The following ARL15 variants were observed in gnomAD, a reference collection of about 807,000 sequenced individuals.
ARL15 encodes ADP-ribosylation factor-like protein 15.
In ARL15, 19 loss-of-function variants were observed where a neutral mutation model predicts 25.2. The ratio of observed to expected loss-of-function variants is 0.75; its 90% CI spans 0.53 to 1.10. The LOEUF (loss-of-function observed/expected upper bound fraction) is 1.10. ARL15 is among the 50% of genes least tolerant of loss of function. The pLI, the probability that ARL15 is intolerant of heterozygous loss-of-function variation, is 0.00. For missense variants in ARL15, 220 were observed against 246.0 expected (o/e 0.89, Z 0.71); for synonymous variants, 94 against 86.8 (o/e 1.08, Z -0.46).
chr5:54,129,615 T>A (rs1185530422), intron 3 of ARL15, among the ~76,000 whole-genome samples: 1 of 152,214 alleles, frequency 6.6e-6, no homozygotes, highest in African/African-American at 2.4e-5. Flanking sequence ...ACTTTCCCAA[T>A]AGTACTGTAG....
chr5:54,267,269 T>C (rs2112635577), intron 1 of ARL15, among the ~76,000 whole-genome samples: 1 of 152,284 alleles, frequency 6.6e-6, no homozygotes, highest in East Asian at 1.9e-4. Context: ...TTTTTTGTAT[T>C]TTTAGTAGAG....
chr5:54,095,201 G>T (rs995758954), intron 4 of ARL15, among the ~76,000 whole-genome samples: 9 of 152,048 alleles, frequency 5.9e-5, no homozygotes, highest in Admixed American at 1.3e-4. Flanking sequence ...CAGAGGGCAT[G>T]AATTTAATAA....
chr5:54,253,220 A>G (rs1392201687), intron 1 of ARL15, among the ~76,000 whole-genome samples: 2 of 152,294 alleles, frequency 1.3e-5, no homozygotes, highest in South Asian at 4.1e-4. Flanking sequence ...AGTGGCTTCA[A>G]GAGGTAATTA....
intron 4 of ARL15, among the ~76,000 whole-genome samples, chr5:53,925,993 CTTTCTTTT>C (rs1241140500): frequency 1.7e-3 from 150 of 90,756 alleles, no homozygotes; most frequent in African/African-American, 5.9e-3. Context: ...AGTCTTTTTT[CTTTCTTTT>C]TTTTTTTTTT....
At chr5:54,021,651 T>G (rs544539600) in intron 4 of ARL15, among the ~76,000 whole-genome samples, 1 of 152,274 alleles carries the variant, frequency 6.6e-6, no homozygotes, top group South Asian at 2.1e-4. Context: ...ATCGAAGATT[T>G]CCTTTGTGTC....
intron 4 of ARL15, among the ~76,000 whole-genome samples, chr5:53,935,271 T>C (rs1171819843): frequency 6.6e-6 from 1 of 152,236 alleles, no homozygotes; most frequent in Non-Finnish European, 1.5e-5. Flanking sequence ...AGGAGCTCTT[T>C]CTTTACACCC....
intron 4 of ARL15, among the ~76,000 whole-genome samples, chr5:54,078,925 AAG>A (rs1751700336): frequency 6.6e-6 from 1 of 152,156 alleles, no homozygotes; most frequent in African/African-American, 2.4e-5. Flanking sequence ...AAAGTGATAA[AAG>A]GGGGAAATAA....
intron 4 of ARL15, among the ~76,000 whole-genome samples, chr5:53,984,638 G>C (rs193169650): frequency 6.6e-6 from 1 of 151,972 alleles, no homozygotes; most frequent in Admixed American, 6.6e-5. Context: ...GTATTACCTG[G>C]TAATAACTAT....
chr5:54,012,863 G>C (rs1477151877), intron 4 of ARL15, among the ~76,000 whole-genome samples: 1 of 146,600 alleles, frequency 6.8e-6, no homozygotes, highest in Non-Finnish European at 1.5e-5. Context: ...CTGTCGCCAA[G>C]GCCGGAGTGC....
chr5:54,036,611 A>C (rs2111922488), intron 4 of ARL15, among the ~76,000 whole-genome samples: 1 of 152,320 alleles, frequency 6.6e-6, no homozygotes, highest in South Asian at 2.1e-4. Context: ...TTTTTGTATA[A>C]GCTGAATGAG....
intron 4 of ARL15, among the ~76,000 whole-genome samples, chr5:54,074,595 T>C (rs1360908222): frequency 6.6e-6 from 1 of 152,224 alleles, no homozygotes; most frequent in African/African-American, 2.4e-5. Flanking sequence ...CTTAAGTGTC[T>C]TTCCCTGATG....
At chr5:54,292,787 G>T (rs538167164) in intron 1 of ARL15, among the ~76,000 whole-genome samples, 1 of 152,050 alleles carries the variant, frequency 6.6e-6, no homozygotes, top group South Asian at 2.1e-4. Context: ...GAGCAACGTG[G>T]GTATTTCCAG....
chr5:54,303,710 G>A, intron 1 of ARL15, among the ~76,000 whole-genome samples: 1 of 141,850 alleles, frequency 7.0e-6, no homozygotes. Flanking sequence ...GAAAGAGGAG[G>A]AGAGGAAAAA....
At chr5:54,286,880 T>C (rs1308003050) in intron 1 of ARL15, among the ~76,000 whole-genome samples, 1 of 151,484 alleles carries the variant, frequency 6.6e-6, no homozygotes, top group Non-Finnish European at 1.5e-5. Flanking sequence ...TTTTTTTTTT[T>C]TTTAATGAGA....
intron 1 of ARL15, among the ~76,000 whole-genome samples, chr5:54,210,887 A>G (rs953408530): frequency 6.6e-6 from 1 of 152,256 alleles, no homozygotes; most frequent in African/African-American, 2.4e-5. Flanking sequence ...ATTCAGTCTC[A>G]TAGAACCCAA....
At chr5:54,241,803 A>T (rs966686877) in intron 1 of ARL15, among the ~76,000 whole-genome samples, 4 of 152,168 alleles carry the variant, frequency 2.6e-5, no homozygotes, top group African/African-American at 9.6e-5. Flanking sequence ...CTCCTTTTTC[A>T]AGATTTCAGG....
At chr5:54,280,298 G>T (rs1340350282) in intron 1 of ARL15, among the ~76,000 whole-genome samples, 2 of 152,146 alleles carry the variant, frequency 1.3e-5, no homozygotes, top group African/African-American at 4.8e-5. Context: ...GAGGATCTGG[G>T]AAAACAGACT....
chr5:54,043,882 A>G (rs965851280), intron 4 of ARL15, among the ~76,000 whole-genome samples: 2 of 151,104 alleles, frequency 1.3e-5, no homozygotes, highest in African/African-American at 4.9e-5. Flanking sequence ...GTGTGGTGGT[A>G]TGCTGTGGTC....
intron 4 of ARL15, among the ~76,000 whole-genome samples, chr5:54,027,751 C>A (rs1749827970): frequency 6.6e-6 from 1 of 152,042 alleles, no homozygotes; most frequent in Non-Finnish European, 1.5e-5. Context: ...ATCCATGGGA[C>A]CTATTATTTA....
Sources: gnomAD v4.1 joint callset for allele counts (sites outside exome capture counted in the v4.1 genomes callset) on GRCh38, gnomAD v4.1.1 for gene constraint, MANE v1.5 for transcripts, NCBI Gene and HGNC (gene_info 2026-07-23, HGNC 2026-07-21) for gene names.